Variants in IQGAP1 observed in about 807,000 individuals in gnomAD.
IQGAP1 encodes ras GTPase-activating-like protein IQGAP1.
Under a neutral mutation model 215.6 loss-of-function variants are expected in IQGAP1, and 66 were observed. That is an observed-to-expected ratio of 0.31 (90% CI 0.25 to 0.38). The LOEUF is 0.38. IQGAP1 is among the 10% of genes least tolerant of loss of function. The pLI, the probability that IQGAP1 is intolerant of heterozygous loss-of-function variation, is 1.00. For missense variants in IQGAP1, 1,712 were observed against 1,997.1 expected (o/e 0.86, Z 2.72); for synonymous variants, 772 against 728.7 (o/e 1.06, Z -0.96).
intron 2 of IQGAP1, among the ~76,000 whole-genome samples, chr15:90,400,436 A>G (rs1015185767): frequency 1.3e-5 from 2 of 152,090 alleles, no homozygotes; most frequent in Non-Finnish European, 2.9e-5. Flanking sequence ...AGCTTAAATG[A>G]TCTCTTTTTA....
At chr15:90,478,216 C>T (rs1367961213) in intron 26 of IQGAP1, among the ~76,000 whole-genome samples, 2 of 152,150 alleles carry the variant, frequency 1.3e-5, no homozygotes, top group Non-Finnish European at 2.9e-5. Context: ...GTCTCGAACT[C>T]CTGACCTCAG....
chr15:90,477,086 C>G lies in IQGAP1; in HGVS notation c.2960C>G (p.Ala987Gly). Reference sequence around the variant, plus strand: ...TTTCAGACCAATCCCACCTATCTGGCCAAGCTCATTTTTCAGATGCCCCAG... The same window carrying G: ...TTTCAGACCAATCCCACCTATCTGGGCAAGCTCATTTTTCAGATGCCCCAG... ...YLLQTNPTYL[A>G]KLIFQMPQNK... Residue 987 changes from alanine to glycine, a missense_variant, in exon 25 of 38, where the codon GCC (alanine) becomes GGC (glycine). Around this residue, in one of 2 missense-constraint regions of IQGAP1, gnomAD observed 691 missense variants for 923.0 expected, o/e 0.75. Transcript: ENST00000268182. 1.2e-6 allele frequency: 2 copies of G among 1,614,130 alleles called. No homozygotes were observed. The highest frequency in any genetic ancestry group is 1.7e-6 in the Non-Finnish European group (2 of 1,180,016).
rs777436004 is a variant in IQGAP1, at chr15:90,483,580, T to C, written c.3775T>C (p.Tyr1259His). Residue 1259 changes from tyrosine (Y) to histidine (H), a missense_variant, in exon 29 of 38, where the codon TAC becomes CAC. By Grantham distance (83) the Tyr-to-His change is moderately conservative. Around this residue, in one of 2 missense-constraint regions of IQGAP1, gnomAD observed 691 missense variants for 923.0 expected, o/e 0.75. Coordinates refer to ENST00000268182, the MANE Select transcript of IQGAP1 (RefSeq NM_003870.4). ...CATTAATGAATATCTTTCCCAGTCC[T>C]ACCAGAAATTCAGGTAAGGGGAAAG... ...SIINEYLSQSYQKFRRFFQTA... is the reference protein window; with the variant it reads ...SIINEYLSQSHQKFRRFFQTA... 5.6e-6 allele frequency: 9 copies of C among 1,609,322 alleles called. No homozygotes were observed. Among genetic ancestry groups the C allele is most frequent in the Non-Finnish European group, 6.8e-6 (8 of 1,177,550 alleles).
rs748150834 is a variant in IQGAP1 at position 90,454,411 on chromosome 15, T to C, written c.1488-17T>C. 6.2e-7 allele frequency: 1 copy of C among 1,613,436 alleles called. No individual in the cohort carries two copies. Among genetic ancestry groups the C allele is most frequent in the South Asian group, 1.1e-5 (1 of 91,042 alleles). On this transcript the variant is annotated splice_polypyrimidine_tract_variant and intron_variant, in intron 13 of 37. Coordinates refer to ENST00000268182, the MANE Select transcript of IQGAP1 (RefSeq NM_003870.4). ...ATGCTGTGCTTAATGCTCTTTTTACTTGGGGGTCTGGGGCAGGTATCTCGA... is the reference window on the plus strand; with the variant it reads ...ATGCTGTGCTTAATGCTCTTTTTACCTGGGGGTCTGGGGCAGGTATCTCGA...
chr15:90,396,159 T>A (rs1416036954), intron 2 of IQGAP1, among the ~76,000 whole-genome samples: 1 of 152,216 alleles, frequency 6.6e-6, no homozygotes, highest in Non-Finnish European at 1.5e-5. Flanking sequence ...AACAAAGTCT[T>A]TTTTGTGCAT....
At position 90,494,754 on chromosome 15, in the gene IQGAP1, A is replaced by G. The variant is rs781332980; in HGVS notation, c.4670A>G (p.Lys1557Arg). 1.2e-6 allele frequency: 2 copies of G among 1,610,496 alleles called. No individual in the cohort carries two copies. Among genetic ancestry groups the G allele is most frequent in the Non-Finnish European group, 8.5e-7 (1 of 1,177,872 alleles). The change falls in exon 36 of 38, where the codon AAA becomes AGA. Residue 1557 changes from lysine (K) to arginine (R), a missense_variant. By Grantham distance (26) the Lys-to-Arg change is conservative. This residue lies in a region of IQGAP1 where 691 missense variants were observed against 923.0 expected (regional missense o/e 0.75). Coordinates refer to ENST00000268182, the MANE Select transcript of IQGAP1 (RefSeq NM_003870.4). ...KPREMKGKKS[K>R]KISLKYTAAR... ...AGGGAAATGAAAGGAAAGAAAAGCA[A>G]AAAGATTTCTCTGAAATATACAGCA... is the stretch of plus-strand genomic sequence containing the variant.
At chr15:90,459,696 T>G (rs1965734812) in intron 15 of IQGAP1, among the ~76,000 whole-genome samples, 1 of 152,206 alleles carries the variant, frequency 6.6e-6, no homozygotes, top group South Asian at 2.1e-4. Context: ...GTTTTTGGTT[T>G]GGGTTTTTTG....
intron 6 of IQGAP1, 47 bp downstream of exon 6, chr15:90,439,446 T>C: frequency 6.7e-7 from 1 of 1,500,728 alleles, no homozygotes; most frequent in Non-Finnish European, 9.3e-7. Flanking sequence ...TATGTGGAAA[T>C]AGCCTGGAGA....
chr15:90,389,482 G>A (rs1964604317), intron 1 of IQGAP1, among the ~76,000 whole-genome samples: 1 of 151,730 alleles, frequency 6.6e-6, no homozygotes, highest in South Asian at 2.1e-4. Context: ...ACAGGCGTCG[G>A]CCACCACACT....
At chr15:90,494,099 TTTAAG>T (rs1966241818) in intron 35 of IQGAP1, 1 of 152,196 alleles carries the variant, frequency 6.6e-6, no homozygotes, top group Admixed American at 6.5e-5. Flanking sequence ...TTGATGGACA[TTTAAG>T]TTGTTTCCAG....
At chr15:90,473,090 G>A in intron 19 of IQGAP1, 80 bp downstream of exon 19, 2 of 1,340,902 alleles carry the variant, frequency 1.5e-6, no homozygotes, top group Admixed American at 1.9e-5. Flanking sequence ...ACCATTGACT[G>A]TCTGAGTGTG....
chr15:90,496,760 T>C (rs1966280118), intron 36 of IQGAP1: 1 of 153,156 alleles, frequency 6.5e-6, no homozygotes, highest in Non-Finnish European at 1.5e-5. Context: ...GCACCTACTC[T>C]TTCTAGAAAA....
intron 2 of IQGAP1, among the ~76,000 whole-genome samples, chr15:90,420,316 C>CAGG (rs1388418671): frequency 2.0e-5 from 3 of 152,152 alleles, no homozygotes; most frequent in African/African-American, 7.2e-5. Context: ...GTGCGAGAGA[C>CAGG]AGGACATGGA....
Position 90,483,417 on chromosome 15 carries a change from T to C in IQGAP1, c.3612T>C (p.Asp1204=). The stretch of plus-strand genomic sequence containing the variant: ...TGAATCCAGCCATTGTTGCTCCTGA[T>C]GCCTTTGACATCATTGACCTGTCAG... ...RYMNPAIVAP[D]AFDIIDLSAG... The change falls in exon 29 of 38, where the codon GAT becomes GAC. Residue 1204 remains aspartate (D), a synonymous_variant. Transcript: ENST00000268182. 6.2e-7 allele frequency: 1 copy of C among 1,614,230 alleles called. No individual in the cohort carries two copies. The highest frequency in any genetic ancestry group is 8.5e-7 in the Non-Finnish European group (1 of 1,180,034).
At position 90,501,607 on chromosome 15, in the gene IQGAP1, C is replaced by T. The variant is rs747053582; in HGVS notation, c.*1499C>T. 10 of 152,090 alleles carry T rather than the reference C, an allele frequency of 6.6e-5. No individual in the cohort carries two copies. The highest frequency in any genetic ancestry group is 1.5e-4 in the Non-Finnish European group (10 of 68,028). 9.4% of individuals were successfully genotyped at this position (152,090 alleles called of 1,614,324 possible). A position where few individuals can be genotyped will look rare whatever the true frequency, so the allele number is the denominator to read the frequency against. On this transcript the variant is annotated 3_prime_UTR_variant, in exon 38 of 38. Transcript: ENST00000268182. ...GCATTGGAGAAGTATTTTTATGAGA[C>T]TCTTTACTCAGGTGCATGGTTACAG...
Position 90,491,419 on chromosome 15 carries a change from G to A in IQGAP1, c.4335G>A (p.Lys1445=), listed in dbSNP as rs781732047. ...PDKMKKSKSV[K]EDSNLTLQEK... ...AGATGAAAAAGTCAAAATCTGTAAA[G>A]GAAGACAGCAACCTCACTCTTCAAG... The change falls in exon 34 of 38, where the codon AAG becomes AAA. Residue 1445 remains lysine, a synonymous_variant. Coordinates refer to ENST00000268182, the MANE Select transcript of IQGAP1 (RefSeq NM_003870.4). 6.2e-7 allele frequency: 1 copy of A among 1,614,114 alleles called. No homozygotes were observed. Among genetic ancestry groups the A allele is most frequent in the South Asian group, 1.1e-5 (1 of 91,086 alleles).
chr15:90,441,498 T>G lies in IQGAP1; in HGVS notation c.650-8T>G, dbSNP rs1032566805. ...TTTGTTGGTTTGTTTTTTTGTTTTT[T>G]TTTTTAGTACATGCTGCTGTTATTG... is the stretch of plus-strand genomic sequence containing the variant. On this transcript the variant is annotated splice_region_variant and splice_polypyrimidine_tract_variant and intron_variant, in intron 7 of 37. Transcript: ENST00000268182. 20 of 1,598,214 alleles carry G rather than the reference T, an allele frequency of 1.3e-5. 1 individual carries two copies. The highest frequency in any genetic ancestry group is 8.5e-7 in the Non-Finnish European group (1 of 1,175,050).
At chr15:90,411,306 T>G (rs1964962282) in intron 2 of IQGAP1, among the ~76,000 whole-genome samples, 1 of 151,506 alleles carries the variant, frequency 6.6e-6, no homozygotes, top group South Asian at 2.1e-4. Context: ...GGAGACAGGG[T>G]CTCACTCTGT....
intron 26 of IQGAP1, among the ~76,000 whole-genome samples, chr15:90,480,024 C>T (rs895795264): frequency 2.0e-5 from 3 of 151,890 alleles, no homozygotes; most frequent in South Asian, 2.1e-4. Flanking sequence ...ATCCAAAGCC[C>T]GCTGGACATT....
Sources: allele counts gnomAD v4.1 joint callset (sites outside exome capture counted in the v4.1 genomes callset), GRCh38; gene constraint gnomAD v4.1.1; regional missense constraint gnomAD v4.1.1; transcripts MANE v1.5; gene names NCBI Gene and HGNC (gene_info 2026-07-23, HGNC 2026-07-21).